Variants in HIVEP2 observed in about 807,000 individuals in gnomAD.
HIVEP2 encodes HIVEP zinc finger 2.
In HIVEP2, 14 loss-of-function variants were observed where a neutral mutation model predicts 180.7. The ratio of observed to expected loss-of-function variants is 0.08; its 90% CI spans 0.05 to 0.12. HIVEP2 has a LOEUF of 0.12. Ranked by LOEUF, HIVEP2 falls within the 10% of genes least tolerant of loss-of-function variation. The probability of loss-of-function intolerance (pLI) is 1.00; values close to 1 mark genes in which losing one functional copy is unlikely to be tolerated. For synonymous variants in HIVEP2, 1,184 were observed against 1,136.4 expected, an observed-to-expected ratio of 1.04 and a Z score of -0.84; for missense variants, 2,579 against 3,008.5, an observed-to-expected ratio of 0.86 and a Z score of 3.34.
At chr6:142,873,655 T>C (rs1490318711) in intron 1 of HIVEP2, among the ~76,000 whole-genome samples, 2 of 152,292 alleles carry the variant, frequency 1.3e-5, no homozygotes, top group African/African-American at 2.4e-5. Flanking sequence ...GTATACTGAA[T>C]CTGGCATGAT....
Position 142,761,508 on chromosome 6 carries a change from C to G in HIVEP2, c.5576G>C (p.Gly1859Ala). The stretch of plus-strand genomic sequence containing the variant: ...ATCATCCACCGATGTCATTGAGACT[C>G]CCAATTCCAGGCATTTTTTCATGTG... The part of the protein sequence containing the change: ...KAHMKKCLEL[G>A]VSMTSVDDTE... Residue 1859 changes from glycine to alanine, a missense_variant, in exon 8 of 10, where the codon GGA becomes GCA. Gly to Ala is a moderately conservative substitution (Grantham distance 60). Around this residue, in one of 11 missense-constraint regions of HIVEP2, gnomAD observed 660 missense variants for 731.7 expected, o/e 0.90. Coordinates refer to ENST00000367603, the MANE Select transcript of HIVEP2 (RefSeq NM_006734.4). The G allele has an allele frequency of 6.2e-7, 1 of 1,610,648 alleles. No homozygotes were observed. The highest frequency in any genetic ancestry group is 8.5e-7 in the Non-Finnish European group (1 of 1,177,126).
At chr6:142,879,676 T>A (rs2128415827) in intron 1 of HIVEP2, among the ~76,000 whole-genome samples, 1 of 152,134 alleles carries the variant, frequency 6.6e-6, no homozygotes, top group African/African-American at 2.4e-5. Context: ...TCCCAGGCCA[T>A]CTGACTTCAG....
intron 1 of HIVEP2, among the ~76,000 whole-genome samples, chr6:142,859,936 G>C (rs113735462): frequency 1.5e-4 from 23 of 151,788 alleles, no homozygotes; most frequent in African/African-American, 5.6e-4. Context: ...GCAAGAAGTT[G>C]AGGTAATATC....
At chr6:142,935,312 C>A (rs1778025597) in intron 1 of HIVEP2, among the ~76,000 whole-genome samples, 1 of 152,186 alleles carries the variant, frequency 6.6e-6, no homozygotes, top group African/African-American at 2.4e-5. Context: ...CTTTGGGAGG[C>A]TAAGGCGGGG....
chr6:142,914,329 G>T (rs1777495537), intron 1 of HIVEP2, among the ~76,000 whole-genome samples: 1 of 152,002 alleles, frequency 6.6e-6, no homozygotes, highest in African/African-American at 2.4e-5. Context: ...TTTCTTAGAG[G>T]TACATCAAAT....
At chr6:142,802,189 A>T (rs1776430698) in intron 2 of HIVEP2, among the ~76,000 whole-genome samples, 1 of 152,174 alleles carries the variant, frequency 6.6e-6, no homozygotes, top group Admixed American at 6.5e-5. Flanking sequence ...TTATGGCTTC[A>T]CCATCTGCAA....
chr6:142,837,703 C>A lies in HIVEP2; in HGVS notation c.-640-656G>T, dbSNP rs151036262. Among the ~76,000 whole-genome samples the A allele has an allele frequency of 6.6e-4, 101 of 152,146 alleles. 1 individual carries two copies. The highest frequency in any genetic ancestry group is 2.4e-3 in the African/African-American group (99 of 41,532). ...TCCATTCACTTTGCCAGTAGAACCA[C>A]TTTTCCTGAATTTCAAACATTAAAT... On this transcript the variant is annotated intron_variant, in intron 1 of 9. Coordinates refer to ENST00000367603, the MANE Select transcript of HIVEP2 (RefSeq NM_006734.4).
chr6:142,939,923 TAAAGG>T (rs981762321), intron 1 of HIVEP2, among the ~76,000 whole-genome samples: 28 of 152,092 alleles, frequency 1.8e-4, no homozygotes, highest in Admixed American at 1.6e-3. Context: ...GTGGAAAAAA[TAAAGG>T]AAAGTGATTT....
At chr6:142,906,379 A>G (rs2128427538) in intron 1 of HIVEP2, among the ~76,000 whole-genome samples, 1 of 152,158 alleles carries the variant, frequency 6.6e-6, no homozygotes, top group Admixed American at 6.5e-5. Context: ...GCTCATAGAA[A>G]CTTACTTTTC....
chr6:142,871,983 A>G (rs555718135), intron 1 of HIVEP2, among the ~76,000 whole-genome samples: 3 of 152,162 alleles, frequency 2.0e-5, no homozygotes, highest in Admixed American at 2.0e-4. Flanking sequence ...GCCCAGAGTA[A>G]CACACAGGGA....
intron 2 of HIVEP2, among the ~76,000 whole-genome samples, chr6:142,800,212 T>C (rs1482080678): frequency 1.3e-5 from 2 of 152,146 alleles, no homozygotes; most frequent in Admixed American, 6.6e-5. Context: ...CATCACCACA[T>C]TGAGCTGCTG....
At chr6:142,804,926 T>A (rs1177296966) in intron 2 of HIVEP2, among the ~76,000 whole-genome samples, 1 of 152,154 alleles carries the variant, frequency 6.6e-6, no homozygotes, top group Non-Finnish European at 1.5e-5. Context: ...TGGAGAATAG[T>A]CATCCTTTCA....
intron 1 of HIVEP2, among the ~76,000 whole-genome samples, chr6:142,878,100 T>C (rs553129942): frequency 6.6e-6 from 1 of 152,282 alleles, no homozygotes; most frequent in African/African-American, 2.4e-5. Context: ...GGAGGCAATC[T>C]TGATATTCTC....
rs546316108 is a variant in HIVEP2 at position 142,827,203 on chromosome 6, A to G, written c.-528+9732T>C. On this transcript the variant is annotated intron_variant, in intron 2 of 9. Coordinates refer to ENST00000367603, the MANE Select transcript of HIVEP2 (RefSeq NM_006734.4). The stretch of plus-strand genomic sequence containing the variant: ...GTTCTTTTATCAAGCCCGGTTGGCT[A>G]TATAATTGCTTGAAAAAACAAAAAC... Among the ~76,000 whole-genome samples, 9 of 152,344 alleles carry G rather than the reference A, an allele frequency of 5.9e-5. No homozygotes were observed. The South Asian group carries it at 1.9e-3, about 32-fold the overall frequency.
chr6:142,788,753 C>T (rs746468195), intron 2 of HIVEP2, among the ~76,000 whole-genome samples: 6 of 151,984 alleles, frequency 3.9e-5, no homozygotes, highest in Non-Finnish European at 7.4e-5. Context: ...AACAAACAAA[C>T]AAACGAAGAG....
At chr6:142,813,576 T>G (rs1057471291) in intron 2 of HIVEP2, among the ~76,000 whole-genome samples, 133 of 150,126 alleles carry the variant, frequency 8.9e-4, no homozygotes, top group African/African-American at 3.0e-3. Context: ...GTTCAGAGTT[T>G]TTTTTTTTTT....
chr6:142,866,553 T>C (rs965558850), intron 1 of HIVEP2, among the ~76,000 whole-genome samples: 5 of 152,144 alleles, frequency 3.3e-5, no homozygotes, highest in Non-Finnish European at 1.5e-5. Context: ...TGTAGATCCA[T>C]GTCAAAGTGC....
intron 9 of HIVEP2, among the ~76,000 whole-genome samples, chr6:142,758,477 C>A (rs536054814): frequency 6.6e-6 from 1 of 152,148 alleles, no homozygotes; most frequent in Non-Finnish European, 1.5e-5. Context: ...TCTCCTCTGG[C>A]TGTGAAGGAT....
rs1438368970 is a variant in HIVEP2, at chr6:142,753,791, C to T, written c.6657G>A (p.Gln2219=). 14 of 1,614,160 alleles carry T rather than the reference C, an allele frequency of 8.7e-6. No homozygotes were observed. The East Asian group carries it at 3.1e-4, about 36-fold the overall frequency. ...YVFSHLPLHS[Q]QQVRAPIPMV... is the part of the protein sequence containing the mutation. ...TGGGGATAGGGGCTCGCACTTGTTGCTGAGAGTGGAGTGGAAGATGACTGA... is the reference window on the plus strand; with the variant it reads ...TGGGGATAGGGGCTCGCACTTGTTGTTGAGAGTGGAGTGGAAGATGACTGA... The change falls in exon 10 of 10, where the codon CAG becomes CAA. Residue 2219 remains glutamine (Q), a synonymous_variant. Coordinates refer to ENST00000367603, the MANE Select transcript of HIVEP2 (RefSeq NM_006734.4).
Sources: gnomAD v4.1 joint callset for allele counts (sites outside exome capture counted in the v4.1 genomes callset) on GRCh38, gnomAD v4.1.1 for gene constraint, gnomAD v4.1.1 regional missense constraint, MANE v1.5 for transcripts, NCBI Gene and HGNC (gene_info 2026-07-23, HGNC 2026-07-21) for gene names.